The following CCDC7 variants were observed in gnomAD, a reference collection of about 807,000 sequenced individuals.
The protein encoded by CCDC7 is coiled-coil domain containing 7.
In CCDC7, 183 loss-of-function variants were observed where a neutral mutation model predicts 196.9. The observed-to-expected ratio is 0.93, with a 90% confidence interval of 0.82 to 1.05. CCDC7 has a LOEUF of 1.05. Among genes scored for constraint, CCDC7 ranks in the 50% least tolerant of loss-of-function variants. The pLI is 0.00. For missense variants in CCDC7, 1,540 were observed against 1,482.2 expected (o/e 1.04, Z -0.64); for synonymous variants, 525 against 484.6 (o/e 1.08, Z -1.10).
intron 13 of CCDC7, among the ~76,000 whole-genome samples, chr10:32,556,994 C>T (rs923377600): frequency 2.0e-5 from 3 of 152,164 alleles, no homozygotes; most frequent in South Asian, 2.1e-4. Flanking sequence ...GTGTTGAAAT[C>T]GCTTGTGCAG....
chr10:32,493,483 T>G (rs2042447810), intron 9 of CCDC7, among the ~76,000 whole-genome samples: 1 of 151,786 alleles, frequency 6.6e-6, no homozygotes, highest in South Asian at 2.1e-4. Flanking sequence ...TTGTGAATAA[T>G]ACTGCAGTGA....
chr10:32,726,752 T>G (rs1272191935), exon 26 of CCDC7: 1 of 1,595,902 alleles, frequency 6.3e-7, no homozygotes, highest in Non-Finnish European at 8.6e-7. Flanking sequence ...AAAAATTCTA[T>G]GTTTGTTCAT....
chr10:32,794,484 C>T (rs979577601), intron 29 of CCDC7, among the ~76,000 whole-genome samples: 1 of 152,126 alleles, frequency 6.6e-6, no homozygotes, highest in Admixed American at 6.5e-5. Flanking sequence ...TTTGAGTTCT[C>T]TGGGAAATTT....
chr10:32,707,366 A>G (rs1166397831), intron 24 of CCDC7, among the ~76,000 whole-genome samples: 1 of 152,218 alleles, frequency 6.6e-6, no homozygotes, highest in Non-Finnish European at 1.5e-5. Context: ...CCAATATCAT[A>G]CTGAGTGGGC....
chr10:32,568,389 T>TA (rs1359146754), intron 15 of CCDC7, among the ~76,000 whole-genome samples: 1 of 152,194 alleles, frequency 6.6e-6, no homozygotes, highest in Non-Finnish European at 1.5e-5. Context: ...GACTTAAATA[T>TA]ATACTGATTT....
chr10:32,817,957 A>G (rs889579793), intron 31 of CCDC7, among the ~76,000 whole-genome samples: 1 of 152,220 alleles, frequency 6.6e-6, no homozygotes, highest in Non-Finnish European at 1.5e-5. Flanking sequence ...AGCTAACATC[A>G]TAATGACATG....
At chr10:32,790,396 G>A (rs571651492) in intron 29 of CCDC7, among the ~76,000 whole-genome samples, 2 of 152,322 alleles carry the variant, frequency 1.3e-5, no homozygotes, top group Non-Finnish European at 2.9e-5. Context: ...CACCAAGGCC[G>A]ACTGCTTGTG....
At chr10:32,579,237 T>C (rs990443677) in intron 16 of CCDC7, among the ~76,000 whole-genome samples, 6 of 148,818 alleles carry the variant, frequency 4.0e-5, no homozygotes, top group African/African-American at 1.5e-4. Context: ...CTAGTTTTTG[T>C]TTTTTTTTTC....
chr10:32,704,781 G>A (rs915689780), intron 24 of CCDC7, among the ~76,000 whole-genome samples: 4 of 152,106 alleles, frequency 2.6e-5, no homozygotes, highest in South Asian at 2.1e-4. Context: ...AATGAGTGAC[G>A]CTCCGTCAGT....
rs532107894 is a variant in CCDC7, at chr10:32,771,134, A to AT, written c.2906-7837dup. Among the ~76,000 whole-genome samples, 19 of 152,220 alleles carry AT rather than the reference A, an allele frequency of 1.2e-4. 1 individual carries two copies. The South Asian group carries it at 3.9e-3, about 32-fold the overall frequency. ...TCTTCATCATGTTAATTGTTACCTG[A>AT]TTTTTTAAATTGTGTTTTTATTTTA... On this transcript the variant is annotated intron_variant, in intron 28 of 41. Transcript: ENST00000639629.
chr10:32,462,264 C>T (rs1395957509), intron 3 of CCDC7, among the ~76,000 whole-genome samples: 1 of 151,914 alleles, frequency 6.6e-6, no homozygotes, highest in Non-Finnish European at 1.5e-5. Context: ...CTATTAAAAA[C>T]AAAATTAAAA....
At chr10:32,716,191 T>A (rs574806635) in intron 25 of CCDC7, among the ~76,000 whole-genome samples, 1 of 152,220 alleles carries the variant, frequency 6.6e-6, no homozygotes, top group Non-Finnish European at 1.5e-5. Context: ...CCCATCAGAC[T>A]AACAGCAGAT....
At position 32,673,804 on chromosome 10, in the gene CCDC7, C is replaced by T. The variant is rs1379209312; in HGVS notation, c.2122+9643C>T. 2.0e-5 allele frequency among the ~76,000 whole-genome samples: 3 copies of T among 151,984 alleles called. No homozygotes were observed. The South Asian group carries it at 6.2e-4, about 32-fold the overall frequency. On this transcript the variant is annotated intron_variant, in intron 21 of 41. Coordinates refer to ENST00000639629, the Ensembl canonical transcript of CCDC7. Reference sequence around the variant, plus strand: ...TCTTATTATTTACTATTGACCTTTTCAAGTTTTCCATTTTTTCTTGATTCA... The same window carrying T: ...TCTTATTATTTACTATTGACCTTTTTAAGTTTTCCATTTTTTCTTGATTCA...
chr10:32,661,755 C>G (rs57503407), intron 20 of CCDC7, among the ~76,000 whole-genome samples: 6,936 of 152,222 alleles, frequency 0.046, 535 homozygotes, highest in African/African-American at 0.16. Flanking sequence ...ATCCAAGATA[C>G]AAGATGAAAT....
At chr10:32,691,514 G>A (rs73259479) in intron 23 of CCDC7, among the ~76,000 whole-genome samples, 8,071 of 152,182 alleles carry the variant, frequency 0.053, 719 homozygotes, top group African/African-American at 0.18. Context: ...AAATTTGTCA[G>A]TTAAGATCTG....
chr10:32,498,953 T>C (rs1021644663), intron 9 of CCDC7, among the ~76,000 whole-genome samples: 13 of 152,272 alleles, frequency 8.5e-5, no homozygotes, highest in African/African-American at 2.9e-4. Flanking sequence ...ATTGGGGTAG[T>C]TCTCCTGTAT....
chr10:32,517,311 T>C (rs1255982325), intron 9 of CCDC7, among the ~76,000 whole-genome samples: 1 of 151,992 alleles, frequency 6.6e-6, no homozygotes, highest in African/African-American at 2.4e-5. Context: ...AAAAGTAAGT[T>C]TGGAACAATA....
intron 28 of CCDC7, among the ~76,000 whole-genome samples, chr10:32,772,121 T>C (rs1189113243): frequency 1.3e-5 from 2 of 152,210 alleles, no homozygotes; most frequent in African/African-American, 4.8e-5. Context: ...GTTTGTACTC[T>C]GAGTCTCCCT....
rs140325795 is a variant in CCDC7 at position 32,782,803 on chromosome 10, A to G, written c.3013+3719A>G. ...TGATATACTGGCATAAAGCAGACAT[A>G]CAGACCAATGGGGATAGAATTGAGA... On this transcript the variant is annotated intron_variant, in intron 29 of 41. Transcript: ENST00000639629. Among the ~76,000 whole-genome samples the G allele has an allele frequency of 7.9e-3, 1,202 of 152,322 alleles. 7 individuals are homozygous for G. The highest frequency in any genetic ancestry group is 0.02 in the Middle Eastern group (6 of 294).
Sources: allele counts gnomAD v4.1 joint callset (sites outside exome capture counted in the v4.1 genomes callset), GRCh38; gene constraint gnomAD v4.1.1; transcripts MANE v1.5; gene names NCBI Gene and HGNC (gene_info 2026-07-23, HGNC 2026-07-21).